The following CCDC60 variants were observed in gnomAD, a reference collection of about 807,000 sequenced individuals.
CCDC60 encodes the protein coiled-coil domain-containing protein 60.
In CCDC60, 54 loss-of-function variants were observed where a neutral mutation model predicts 63.5. The ratio of observed to expected loss-of-function variants is 0.85; its 90% CI spans 0.68 to 1.07. The LOEUF is 1.07. Among genes scored for constraint, CCDC60 ranks in the 50% least tolerant of loss-of-function variants. The probability of loss-of-function intolerance (pLI) is 0.00; values close to 1 mark genes in which losing one functional copy is unlikely to be tolerated. For synonymous variants in CCDC60, 206 were observed against 238.8 expected (o/e 0.86, Z 1.27); for missense variants, 651 against 684.3 (o/e 0.95, Z 0.54).
intron 1 of CCDC60, among the ~76,000 whole-genome samples, chr12:119,367,828 T>C (rs1028946662): frequency 2.6e-5 from 4 of 151,784 alleles, no homozygotes; most frequent in African/African-American, 9.7e-5. Flanking sequence ...GGGAAATCTA[T>C]AGAGACAGAA....
At chr12:119,472,741 T>C (rs1383615047) in intron 3 of CCDC60, among the ~76,000 whole-genome samples, 1 of 151,800 alleles carries the variant, frequency 6.6e-6, no homozygotes, top group Non-Finnish European at 1.5e-5. Flanking sequence ...CCACCACGCC[T>C]GGCTAATTTT....
chr12:119,346,103 G>A (rs1280294798), intron 1 of CCDC60, among the ~76,000 whole-genome samples: 1 of 151,362 alleles, frequency 6.6e-6, no homozygotes, highest in Non-Finnish European at 1.5e-5. Flanking sequence ...GGGATTACAG[G>A]TGTGAGCCAC....
At chr12:119,395,236 A>G (rs755219523) in intron 1 of CCDC60, among the ~76,000 whole-genome samples, 33 of 152,322 alleles carry the variant, frequency 2.2e-4, no homozygotes, top group Middle Eastern at 3.4e-3. Flanking sequence ...AAGCCACTGA[A>G]GGGTCTTGAG....
chr12:119,343,377 G>A (rs1955551660), intron 1 of CCDC60, among the ~76,000 whole-genome samples: 1 of 152,028 alleles, frequency 6.6e-6, no homozygotes, highest in Non-Finnish European at 1.5e-5. Context: ...TTATACAACT[G>A]GGACAGATTC....
chr12:119,414,681 G>A (rs1311056036), intron 1 of CCDC60, among the ~76,000 whole-genome samples: 2 of 152,162 alleles, frequency 1.3e-5, no homozygotes, highest in African/African-American at 4.8e-5. Flanking sequence ...CTCCTGAGTA[G>A]CAAGGGCTAC....
intron 12 of CCDC60, among the ~76,000 whole-genome samples, chr12:119,529,867 C>G (rs16949307): frequency 0.016 from 2,479 of 152,228 alleles, 57 homozygotes; most frequent in African/African-American, 0.056. Flanking sequence ...TGAGATTCAG[C>G]CCACAAATCT....
intron 1 of CCDC60, among the ~76,000 whole-genome samples, chr12:119,413,018 G>A (rs561233355): frequency 6.1e-4 from 93 of 152,210 alleles, no homozygotes; most frequent in African/African-American, 2.2e-3. Context: ...GAATAGAGTG[G>A]TTGTCACATC....
rs58415660 is a variant in CCDC60, at chr12:119,445,433, C to CAAAAAAAAAAAAAAAAAA, written c.170+16677_170+16694dup. ...TGAGTGACAGAGCGAGACTCCATCTCAAAAAAAAAAAAAAAAAAAAAAAGG... is the reference window on the plus strand; with the variant it reads ...TGAGTGACAGAGCGAGACTCCATCTCAAAAAAAAAAAAAAAAAAAAAAAAAAAAAAAAAAAAAAAAAGG... On this transcript the variant is annotated intron_variant, in intron 2 of 13. Coordinates refer to ENST00000327554, the MANE Select transcript of CCDC60 (RefSeq NM_178499.5). Among the ~76,000 whole-genome samples the CAAAAAAAAAAAAAAAAAA allele has an allele frequency of 5.5e-4, 15 of 27,190 alleles. 1 individual carries two copies. Among genetic ancestry groups the CAAAAAAAAAAAAAAAAAA allele is most frequent in the East Asian group, 1.3e-3 (1 of 758 alleles). 17.8% of individuals were successfully genotyped at this position (27,190 alleles called of 152,430 possible). A position where few individuals can be genotyped will look rare whatever the true frequency, so the allele number is the denominator to read the frequency against.
At chr12:119,503,929 A>C (rs531744664) in intron 6 of CCDC60, among the ~76,000 whole-genome samples, 1 of 152,190 alleles carries the variant, frequency 6.6e-6, no homozygotes, top group Non-Finnish European at 1.5e-5. Flanking sequence ...CAGTCTATCC[A>C]TCAAGAGCTT....
chr12:119,507,610 A>T (rs57633210), intron 7 of CCDC60, among the ~76,000 whole-genome samples: 8,889 of 34,174 alleles, frequency 0.26, 1,616 homozygotes, highest in African/African-American at 0.52. Flanking sequence ...ATATATATAT[A>T]TATATTTTTT....
At chr12:119,506,528 G>A (rs183212165) in intron 7 of CCDC60, among the ~76,000 whole-genome samples, 6 of 151,648 alleles carry the variant, frequency 4.0e-5, no homozygotes, top group Admixed American at 2.0e-4. Context: ...TGGGAGGATC[G>A]CTTGAGCCTA....
intron 11 of CCDC60, among the ~76,000 whole-genome samples, chr12:119,528,103 C>T (rs1051492771): frequency 2.0e-5 from 3 of 151,982 alleles, no homozygotes; most frequent in African/African-American, 2.4e-5. Context: ...TCTGAGTAAA[C>T]TGAAAAGCTA....
chr12:119,515,778 T>C (rs963649805), intron 7 of CCDC60, among the ~76,000 whole-genome samples: 2 of 152,196 alleles, frequency 1.3e-5, no homozygotes, highest in African/African-American at 4.8e-5. Context: ...CAGACTCCTT[T>C]CTAGGGAAGC....
chr12:119,498,893 A>C (rs1380128750), intron 5 of CCDC60, among the ~76,000 whole-genome samples: 1 of 152,212 alleles, frequency 6.6e-6, no homozygotes, highest in East Asian at 1.9e-4. Flanking sequence ...CCCCATAGCC[A>C]CAAGTCCAAA....
At chr12:119,352,321 T>A (rs1228895576) in intron 1 of CCDC60, among the ~76,000 whole-genome samples, 2 of 152,166 alleles carry the variant, frequency 1.3e-5, no homozygotes, top group African/African-American at 4.8e-5. Context: ...CCAAACCATA[T>A]CACTATCCTG....
At chr12:119,336,492 C>T (rs1160501233) in intron 1 of CCDC60, among the ~76,000 whole-genome samples, 2 of 152,092 alleles carry the variant, frequency 1.3e-5, no homozygotes, top group Non-Finnish European at 2.9e-5. Context: ...GTAGGTTTGC[C>T]GTCTGCAGGA....
At chr12:119,473,319 G>A (rs1951103911) in intron 3 of CCDC60, among the ~76,000 whole-genome samples, 1 of 152,224 alleles carries the variant, frequency 6.6e-6, no homozygotes, top group Admixed American at 6.5e-5. Context: ...ATGGCCTGCA[G>A]CTGTAGCCAC....
intron 3 of CCDC60, among the ~76,000 whole-genome samples, chr12:119,475,900 G>A (rs1012345947): frequency 6.6e-6 from 1 of 152,154 alleles, no homozygotes; most frequent in African/African-American, 2.4e-5. Context: ...ATCCTTAAAT[G>A]TATGGCTAAA....
chr12:119,427,044 C>CA (rs1352139893), intron 1 of CCDC60, among the ~76,000 whole-genome samples: 1 of 152,138 alleles, frequency 6.6e-6, no homozygotes, highest in Non-Finnish European at 1.5e-5. Context: ...ACCCTGCCTT[C>CA]AAAAAACACT....
Sources: gnomAD v4.1 joint callset for allele counts (sites outside exome capture counted in the v4.1 genomes callset) on GRCh38, gnomAD v4.1.1 for gene constraint, MANE v1.5 for transcripts, NCBI Gene and HGNC (gene_info 2026-07-23, HGNC 2026-07-21) for gene names.